The following IRAK1BP1 variants were observed in gnomAD, a reference collection of about 807,000 sequenced individuals.
IRAK1BP1 encodes the protein interleukin-1 receptor-associated kinase 1-binding protein 1.
A neutral mutation model predicts 28.0 loss-of-function variants in IRAK1BP1; 24 were observed. That is an observed-to-expected ratio of 0.86 (90% CI 0.62 to 1.20). The LOEUF is 1.20. Ranked by LOEUF, IRAK1BP1 falls within the 50% of genes most tolerant of loss-of-function variation. The probability of loss-of-function intolerance (pLI) is 0.00; values close to 1 mark genes in which losing one functional copy is unlikely to be tolerated. For synonymous variants in IRAK1BP1, 131 were observed against 116.3 expected, an observed-to-expected ratio of 1.13 and a Z score of -0.81; for missense variants, 336 against 316.7, an observed-to-expected ratio of 1.06 and a Z score of -0.46.
At chr6:78,918,550 G>C (rs1260441522) in intron 4 of IRAK1BP1, among the ~76,000 whole-genome samples, 1 of 28,354 alleles carries the variant, frequency 3.5e-5, no homozygotes, top group Non-Finnish European at 6.6e-5. Flanking sequence ...TGTTATATCA[G>C]ATAAAACAGA....
intron 4 of IRAK1BP1, among the ~76,000 whole-genome samples, chr6:78,930,940 T>C (rs1158658091): frequency 8.0e-6 from 1 of 124,478 alleles, no homozygotes; most frequent in Non-Finnish European, 1.7e-5. Flanking sequence ...AAAACATAAA[T>C]AAAAATAAAA....
Position 78,916,910 on chromosome 6 carries a change from C to T in IRAK1BP1, c.*67+13800C>T, listed in dbSNP as rs180813656. On this transcript the variant is annotated intron_variant and NMD_transcript_variant, in intron 4 of 4. Coordinates refer to the IRAK1BP1 transcript ENST00000606868. ...AGTGAGACAGGAATGTGCCATTGCA[C>T]TCCAGCCTGGTCAATAGAGTGAGAC... Among the ~76,000 whole-genome samples, 96 of 152,094 alleles carry T rather than the reference C, an allele frequency of 6.3e-4. 1 individual carries two copies. In the South Asian group the frequency reaches 7.9e-3, roughly 13 times the overall value.
chr6:78,888,824 A>G (rs1302505002), intron 2 of IRAK1BP1, among the ~76,000 whole-genome samples: 1 of 152,058 alleles, frequency 6.6e-6, no homozygotes, highest in Admixed American at 6.5e-5. Context: ...ATTTTTTTTA[A>G]AGAATAGATG....
chr6:78,906,355 G>A (rs2127659342), downstream of IRAK1BP1, among the ~76,000 whole-genome samples: 1 of 152,194 alleles, frequency 6.6e-6, no homozygotes, highest in East Asian at 1.9e-4. Context: ...CACTTTTCAT[G>A]AGATAAAGCT....
intron 2 of IRAK1BP1, among the ~76,000 whole-genome samples, chr6:78,886,914 T>G (rs1321624763): frequency 6.6e-6 from 1 of 152,200 alleles, no homozygotes; most frequent in Non-Finnish European, 1.5e-5. Flanking sequence ...TTATATTTTG[T>G]ATAGGGATTC....
intron 4 of IRAK1BP1, among the ~76,000 whole-genome samples, chr6:78,930,484 G>C (rs1773014098): frequency 6.6e-6 from 1 of 151,926 alleles, no homozygotes; most frequent in Non-Finnish European, 1.5e-5. Flanking sequence ...AATGAGATTT[G>C]CTGTTCTACA....
chr6:78,927,633 C>A (rs1167220376), intron 4 of IRAK1BP1, among the ~76,000 whole-genome samples: 1 of 152,008 alleles, frequency 6.6e-6, no homozygotes, highest in African/African-American at 2.4e-5. Context: ...GAAAGTTTCC[C>A]TCATGTTTTC....
rs781085042 is a variant in IRAK1BP1 at position 78,867,863 on chromosome 6, C to T, written c.287C>T (p.Thr96Met). ...GTTTGTCGCCGTCTAGATTACATCA[C>T]GCAGAGCCTCCAGCAGCAGGGCGTG... ...KSVCRRLDYITQSLQQQGVQA... is the reference protein window; with the variant it reads ...KSVCRRLDYIMQSLQQQGVQA... The change falls in exon 1 of 4, where the codon ACG (threonine) becomes ATG (methionine). Residue 96 changes from threonine (T) to methionine (M), a missense_variant. Physicochemically the swap from Thr to Met is moderately conservative, Grantham distance 81. Transcript: ENST00000369940. The T allele has an allele frequency of 1.9e-6, 3 of 1,603,500 alleles. No homozygotes were observed. The highest frequency in any genetic ancestry group is 1.1e-5 in the South Asian group (1 of 89,790).
At chr6:78,979,113 C>T in the IRAK1BP1 span, among the ~76,000 whole-genome samples, 1 of 152,054 alleles carries the variant, frequency 6.6e-6, no homozygotes, top group East Asian at 1.9e-4. Context: ...TTGAACATCC[C>T]TGGATTTTGT....
chr6:78,925,385 G>C (rs904281751), intron 4 of IRAK1BP1, among the ~76,000 whole-genome samples: 1 of 151,808 alleles, frequency 6.6e-6, no homozygotes, highest in Admixed American at 6.6e-5. Flanking sequence ...AGACATGAAC[G>C]GACACTTCTC....
chr6:78,945,985 A>T (rs1773790386), exon 5 of IRAK1BP1: 2 of 1,574,710 alleles, frequency 1.3e-6, no homozygotes, highest in Non-Finnish European at 1.7e-6. Context: ...ATTTCAATTT[A>T]GAAAGTGAGT....
intron 4 of IRAK1BP1, among the ~76,000 whole-genome samples, chr6:78,944,743 A>C (rs1422244062): frequency 1.3e-5 from 2 of 152,226 alleles, no homozygotes; most frequent in East Asian, 3.8e-4. Flanking sequence ...GAAAGTCATG[A>C]TGCAAAATGC....
the IRAK1BP1 span, among the ~76,000 whole-genome samples, chr6:78,952,348 G>C: frequency 6.6e-6 from 1 of 150,608 alleles, no homozygotes; most frequent in Non-Finnish European, 1.5e-5. Flanking sequence ...GAATCCAGGA[G>C]GCAGAGTTTG....
intron 1 of IRAK1BP1, among the ~76,000 whole-genome samples, chr6:78,885,003 T>C (rs1389494867): frequency 1.3e-5 from 2 of 152,202 alleles, no homozygotes; most frequent in East Asian, 3.9e-4. Flanking sequence ...GAAATTTCTT[T>C]TTAGATAAAA....
chr6:78,943,990 TAA>T (rs558983037), intron 4 of IRAK1BP1, among the ~76,000 whole-genome samples: 1 of 78,144 alleles, frequency 1.3e-5, no homozygotes, highest in Admixed American at 1.8e-4. Flanking sequence ...TGTCTTTTTT[TAA>T]AAAAAAAAAA....
the IRAK1BP1 span, among the ~76,000 whole-genome samples, chr6:78,975,878 T>A: frequency 6.7e-6 from 1 of 148,686 alleles, no homozygotes; most frequent in African/African-American, 2.5e-5. Flanking sequence ...TAAAAGAGGA[T>A]ACAAACAAAT....
At chr6:78,939,076 TA>T (rs1773373635) in intron 4 of IRAK1BP1, 2 of 151,720 alleles carry the variant, frequency 1.3e-5, no homozygotes, top group Admixed American at 1.3e-4. Context: ...CTACATTCTT[TA>T]AATTTTTAAA....
At chr6:78,924,873 G>A (rs1021506612) in intron 4 of IRAK1BP1, among the ~76,000 whole-genome samples, 1 of 152,178 alleles carries the variant, frequency 6.6e-6, no homozygotes, top group African/African-American at 2.4e-5. Flanking sequence ...GCACACATAT[G>A]TTTATTGCGG....
At chr6:78,884,109 T>G (rs1771330142) in intron 1 of IRAK1BP1, among the ~76,000 whole-genome samples, 1 of 152,150 alleles carries the variant, frequency 6.6e-6, no homozygotes, top group African/African-American at 2.4e-5. Flanking sequence ...ATAAAAATAT[T>G]GTGTTAATAT....
Sources: allele counts gnomAD v4.1 joint callset (sites outside exome capture counted in the v4.1 genomes callset), GRCh38; gene constraint gnomAD v4.1.1; transcripts MANE v1.5; gene names NCBI Gene and HGNC (gene_info 2026-07-23, HGNC 2026-07-21).